Variants in COX7B2 observed in about 807,000 individuals in gnomAD.
COX7B2 encodes the protein cytochrome c oxidase subunit 7B2, mitochondrial.
For synonymous variants in COX7B2, 37 were observed against 32.1 expected, an observed-to-expected ratio of 1.15 and a Z score of -0.51; for missense variants, 109 against 95.9, an observed-to-expected ratio of 1.14 and a Z score of -0.57.
At chr4:46,906,895 T>A (rs1265966926) in intron 1 of COX7B2, among the ~76,000 whole-genome samples, 1 of 152,234 alleles carries the variant, frequency 6.6e-6, no homozygotes, top group Non-Finnish European at 1.5e-5. Context: ...TCCTAATTTT[T>A]GGGCACAATC....
intron 2 of COX7B2, among the ~76,000 whole-genome samples, chr4:46,822,380 T>TAA (rs201730248): frequency 1.5e-4 from 22 of 147,080 alleles, no homozygotes; most frequent in Admixed American, 8.1e-4. Context: ...CTTGAGGAGA[T>TAA]AAAAAAAAAA....
At chr4:46,764,366 G>A (rs995068701) in intron 2 of COX7B2, among the ~76,000 whole-genome samples, 1 of 151,796 alleles carries the variant, frequency 6.6e-6, no homozygotes, top group African/African-American at 2.4e-5. Flanking sequence ...CCAACATGGC[G>A]AAACCTCGTC....
intron 1 of COX7B2, among the ~76,000 whole-genome samples, chr4:46,903,521 G>C (rs2109901347): frequency 6.6e-6 from 1 of 151,972 alleles, no homozygotes; most frequent in South Asian, 2.1e-4. Context: ...AAGTCAACAG[G>C]AGTACACAGT....
chr4:46,749,776 G>A (rs1333299554), intron 2 of COX7B2, among the ~76,000 whole-genome samples: 2 of 152,144 alleles, frequency 1.3e-5, no homozygotes, highest in Admixed American at 6.6e-5. Flanking sequence ...GAAAGGTTGT[G>A]TCAGGCCTAA....
intron 2 of COX7B2, among the ~76,000 whole-genome samples, chr4:46,767,240 G>C (rs1716595431): frequency 6.6e-6 from 1 of 152,154 alleles, no homozygotes; most frequent in African/African-American, 2.4e-5. Context: ...GACAATTTGA[G>C]TCAAAAATTG....
At chr4:46,844,582 G>C (rs1373450515) in intron 2 of COX7B2, among the ~76,000 whole-genome samples, 1 of 152,018 alleles carries the variant, frequency 6.6e-6, no homozygotes, top group Non-Finnish European at 1.5e-5. Flanking sequence ...CTGTCCAAAT[G>C]AAAGATTTTC....
chr4:46,828,915 ACT>A (rs1391154779), intron 2 of COX7B2, among the ~76,000 whole-genome samples: 4 of 151,908 alleles, frequency 2.6e-5, no homozygotes, highest in Non-Finnish European at 5.9e-5. Context: ...AGTATAATTA[ACT>A]CTCTGCATAT....
At chr4:46,831,553 G>A (rs1715100677) in intron 2 of COX7B2, among the ~76,000 whole-genome samples, 1 of 152,224 alleles carries the variant, frequency 6.6e-6, no homozygotes, top group South Asian at 2.1e-4. Context: ...GTCTAGCTAA[G>A]GGATTGTAAA....
intron 2 of COX7B2, among the ~76,000 whole-genome samples, chr4:46,802,983 A>G: frequency 6.6e-6 from 1 of 152,176 alleles, no homozygotes; most frequent in Non-Finnish European, 1.5e-5. Context: ...AATACACGGT[A>G]AGAATTACCA....
chr4:46,833,281 G>A (rs1715284852), intron 2 of COX7B2, among the ~76,000 whole-genome samples: 1 of 152,192 alleles, frequency 6.6e-6, no homozygotes, highest in Non-Finnish European at 1.5e-5. Context: ...AACTAACACA[G>A]TATGTCCTGG....
At chr4:46,824,700 A>G (rs560041934) in intron 2 of COX7B2, among the ~76,000 whole-genome samples, 3 of 151,958 alleles carry the variant, frequency 2.0e-5, no homozygotes, top group East Asian at 3.9e-4. Context: ...AGTAGGCTTC[A>G]TCACCAAATG....
At chr4:46,754,490 A>G (rs538240100) in intron 2 of COX7B2, among the ~76,000 whole-genome samples, 4 of 125,998 alleles carry the variant, frequency 3.2e-5, no homozygotes, top group African/African-American at 1.2e-4. Context: ...GCATGTTCTC[A>G]CTCATAGTTG....
At chr4:46,781,577 C>T (rs536838445) in intron 2 of COX7B2, among the ~76,000 whole-genome samples, 42 of 152,356 alleles carry the variant, frequency 2.8e-4, no homozygotes, top group South Asian at 1.2e-3. Context: ...ACTCTGGCCA[C>T]GCTTGAGGAG....
intron 2 of COX7B2, among the ~76,000 whole-genome samples, chr4:46,763,200 G>T (rs1716325635): frequency 2.3e-5 from 3 of 131,744 alleles, no homozygotes; most frequent in Admixed American, 8.4e-5. Context: ...TATAATATAT[G>T]ATATTATATT....
At chr4:46,776,416 G>GTGTGTGTC (rs1230654866) in intron 2 of COX7B2, among the ~76,000 whole-genome samples, 5 of 151,522 alleles carry the variant, frequency 3.3e-5, no homozygotes, top group Admixed American at 6.6e-5. Context: ...GTGTGTGTGT[G>GTGTGTGTC]TGTGTGTCTG....
chr4:46,806,776 GTCTT>G (rs1383348642), intron 2 of COX7B2, among the ~76,000 whole-genome samples: 2 of 151,890 alleles, frequency 1.3e-5, no homozygotes, highest in African/African-American at 4.8e-5. Flanking sequence ...TGCAATATTT[GTCTT>G]TCTATGTCTC....
intron 1 of COX7B2, among the ~76,000 whole-genome samples, chr4:46,855,250 C>T (rs1244610323): frequency 6.6e-6 from 1 of 152,064 alleles, no homozygotes; most frequent in Non-Finnish European, 1.5e-5. Flanking sequence ...CGCTTGAACC[C>T]AGGAGGCAGA....
At chr4:46,788,886 T>C (rs1310054753) in intron 2 of COX7B2, among the ~76,000 whole-genome samples, 1 of 152,172 alleles carries the variant, frequency 6.6e-6, no homozygotes, top group Non-Finnish European at 1.5e-5. Flanking sequence ...AGAACAAAAT[T>C]ATTTATCCTC....
chr4:46,778,965 T>C (rs547022303), intron 2 of COX7B2, among the ~76,000 whole-genome samples: 6 of 152,240 alleles, frequency 3.9e-5, no homozygotes, highest in African/African-American at 1.4e-4. Flanking sequence ...ATAAAACAAA[T>C]GTTAGTTGTT....
Sources: gnomAD v4.1 joint callset for allele counts (sites outside exome capture counted in the v4.1 genomes callset) on GRCh38, gnomAD v4.1.1 for gene constraint, MANE v1.5 for transcripts, NCBI Gene and HGNC (gene_info 2026-07-23, HGNC 2026-07-21) for gene names.